Variants in HECW2 observed in about 807,000 individuals in gnomAD.
HECW2 encodes the protein E3 ubiquitin-protein ligase HECW2.
In HECW2, 61 loss-of-function variants were observed where a neutral mutation model predicts 175.2. That is an observed-to-expected ratio of 0.35 (90% confidence interval 0.28 to 0.43). The LOEUF (loss-of-function observed/expected upper bound fraction) is 0.43. HECW2 is among the 20% of genes least tolerant of loss of function. The pLI, the probability that HECW2 is intolerant of heterozygous loss-of-function variation, is 1.00. For missense variants in HECW2, 1,524 were observed against 2,000.5 expected (o/e 0.76, Z 4.54); for synonymous variants, 671 against 731.0 (o/e 0.92, Z 1.32).
intron 1 of HECW2, among the ~76,000 whole-genome samples, chr2:196,463,435 GGAAAAA>G (rs1559125416): frequency 1.3e-5 from 2 of 149,474 alleles, no homozygotes; most frequent in Non-Finnish European, 1.5e-5. Context: ...GAAAGAAAAA[GGAAAAA>G]GAAAAAGAAA....
At chr2:196,418,655 G>C (rs1394402491) in intron 2 of HECW2, among the ~76,000 whole-genome samples, 2 of 152,140 alleles carry the variant, frequency 1.3e-5, no homozygotes, top group African/African-American at 2.4e-5. Flanking sequence ...CAAAAAATGA[G>C]AGTATAAAGC....
Position 196,278,563 on chromosome 2 carries a change from G to A in HECW2, c.3100C>T (p.His1034Tyr). The A allele has an allele frequency of 6.2e-7, 1 of 1,614,126 alleles. No homozygotes were observed. Among genetic ancestry groups the A allele is most frequent in the Non-Finnish European group, 8.5e-7 (1 of 1,180,012 alleles). The stretch of plus-strand genomic sequence containing the variant: ...CTGTGGCTGCGTTGCCTTGTCAGGT[G>A]TTGCCGATGAACCAGCGCACTTGTG... The part of the protein sequence containing the change: ...RPTSALVHRQ[H>Y]LTRQRSHSAG... The change falls in exon 15 of 29, where the codon CAC becomes TAC. Residue 1034 changes from histidine (H) to tyrosine (Y), a missense_variant. His to Tyr is a moderately conservative substitution (Grantham distance 83). Coordinates refer to ENST00000644978, the MANE Select transcript of HECW2 (RefSeq NM_001348768.2).
intron 1 of HECW2, among the ~76,000 whole-genome samples, chr2:196,509,830 C>T (rs1209946950): frequency 6.6e-6 from 1 of 152,184 alleles, no homozygotes; most frequent in Non-Finnish European, 1.5e-5. Context: ...CCATTCAATC[C>T]TGCCAGGTTC....
At chr2:196,577,102 C>T (rs934143378) in intron 1 of HECW2, among the ~76,000 whole-genome samples, 1 of 152,224 alleles carries the variant, frequency 6.6e-6, no homozygotes, top group Admixed American at 6.6e-5. Flanking sequence ...TAGGCTAGAA[C>T]TTATTAGGGA....
chr2:196,480,095 G>A (rs1686790047), intron 1 of HECW2, among the ~76,000 whole-genome samples: 2 of 151,644 alleles, frequency 1.3e-5, no homozygotes, highest in Admixed American at 1.3e-4. Context: ...CCCCAACCAG[G>A]TTCCAATCTC....
rs61752162 is a variant in HECW2, at chr2:196,318,608, C to T, written c.2282G>A (p.Gly761Glu). Residue 761 changes from glycine to glutamate, a missense_variant, in exon 9 of 29, where the codon GGG (glycine) becomes GAG (glutamate). Physicochemically the swap from Gly to Glu is moderately conservative, Grantham distance 98 (BLOSUM62 -2). Coordinates refer to ENST00000644978, the MANE Select transcript of HECW2 (RefSeq NM_001348768.2). ...CCCTTCACAGGTGCCTTGGGCCTCC[C>T]CAGCACTGCCTTCTTCTTGCGGTGG... ...ESPPQEEGSA[G>E]EAQGTCEGAT... is the part of the protein sequence containing the mutation. 3,307 of 1,572,700 alleles carry T rather than the reference C, an allele frequency of 2.1e-3. 13 individuals are homozygous for T. The highest frequency in any genetic ancestry group is 2.4e-3 in the Non-Finnish European group (2,770 of 1,159,558).
chr2:196,520,216 T>A (rs1384312080), intron 1 of HECW2, among the ~76,000 whole-genome samples: 2 of 152,058 alleles, frequency 1.3e-5, no homozygotes, highest in African/African-American at 2.4e-5. Context: ...GTAAAGTATA[T>A]TAAAACTCTG....
intron 1 of HECW2, among the ~76,000 whole-genome samples, chr2:196,517,084 G>A (rs1016527116): frequency 2.6e-4 from 39 of 152,290 alleles, no homozygotes; most frequent in Non-Finnish European, 4.6e-4. Flanking sequence ...TCCTGATGGC[G>A]GGACAAGCCA....
In HECW2 at chr2:196,479,553, A is replaced by G. The variant is rs369769512; in HGVS notation, c.-35-46095T>C. On this transcript the variant is annotated intron_variant, in intron 1 of 28. Coordinates refer to ENST00000644978, the MANE Select transcript of HECW2 (RefSeq NM_001348768.2). ...TTTCCCAGGCTGCCTCTAATTGTGA[A>G]TCACTGGATCACTGGACCACAGCTA... 2.0e-5 allele frequency among the ~76,000 whole-genome samples: 3 copies of G among 152,204 alleles called. 1 individual carries two copies. In the East Asian group the frequency reaches 5.8e-4, roughly 29 times the overall value.
chr2:196,294,317 T>C (rs1005866176), intron 13 of HECW2, among the ~76,000 whole-genome samples: 1 of 152,192 alleles, frequency 6.6e-6, no homozygotes. Flanking sequence ...GAATATGATA[T>C]TCATGAAACT....
intron 1 of HECW2, among the ~76,000 whole-genome samples, chr2:196,570,914 T>C (rs1414158995): frequency 2.6e-5 from 4 of 152,228 alleles, no homozygotes; most frequent in Admixed American, 1.3e-4. Flanking sequence ...GGACTTATGT[T>C]ACCTGCTTGT....
At chr2:196,509,239 T>C (rs1171591787) in intron 1 of HECW2, among the ~76,000 whole-genome samples, 4 of 152,188 alleles carry the variant, frequency 2.6e-5, no homozygotes, top group Admixed American at 6.5e-5. Flanking sequence ...CTGACACTTC[T>C]GTACCTGTGG....
At chr2:196,431,300 A>G (rs1157073831) in intron 2 of HECW2, among the ~76,000 whole-genome samples, 1 of 152,200 alleles carries the variant, frequency 6.6e-6, no homozygotes, top group Non-Finnish European at 1.5e-5. Context: ...GATAAGATTC[A>G]TTGCGGTTGG....
chr2:196,268,457 T>G (rs1340828918), intron 17 of HECW2, among the ~76,000 whole-genome samples: 1 of 152,106 alleles, frequency 6.6e-6, no homozygotes, highest in Non-Finnish European at 1.5e-5. Context: ...CTTTTCAGAC[T>G]CTAAAAAGCA....
intron 1 of HECW2, among the ~76,000 whole-genome samples, chr2:196,441,133 T>C (rs1696028256): frequency 6.6e-6 from 1 of 152,170 alleles, no homozygotes; most frequent in East Asian, 1.9e-4. Flanking sequence ...GACAAATACA[T>C]TAAGCAAGTG....
At chr2:196,262,264 T>G (rs1335016392) in intron 17 of HECW2, among the ~76,000 whole-genome samples, 2 of 152,180 alleles carry the variant, frequency 1.3e-5, no homozygotes, top group Admixed American at 6.5e-5. Flanking sequence ...TGGCCTCAAG[T>G]GATCCTCCTG....
At chr2:196,217,703 A>G (rs776080459) in intron 26 of HECW2, 1 of 152,232 alleles carries the variant, frequency 6.6e-6, no homozygotes, top group Non-Finnish European at 1.5e-5. Flanking sequence ...GTAATCACCA[A>G]CTTAATTTTA....
chr2:196,316,480 G>C (rs1381980088), intron 10 of HECW2: 1 of 152,210 alleles, frequency 6.6e-6, no homozygotes, highest in Non-Finnish European at 1.5e-5. Flanking sequence ...TAAGGCAAAA[G>C]GGTATACCTT....
chr2:196,395,343 G>GA (rs1254948041), intron 2 of HECW2, among the ~76,000 whole-genome samples: 3 of 147,034 alleles, frequency 2.0e-5, no homozygotes, highest in African/African-American at 7.7e-5. Flanking sequence ...GTTAACAGGA[G>GA]AAAAAAATAG....
Sources: gnomAD v4.1 joint callset for allele counts (sites outside exome capture counted in the v4.1 genomes callset) on GRCh38, gnomAD v4.1.1 for gene constraint, MANE v1.5 for transcripts, NCBI Gene and HGNC (gene_info 2026-07-23, HGNC 2026-07-21) for gene names.